MYO18B: variants seen among roughly 807,000 people sequenced by gnomAD.
MYO18B encodes the protein myosin XVIIIB.
Under a neutral mutation model 273.0 loss-of-function variants are expected in MYO18B, and 204 were observed. The observed-to-expected ratio is 0.75, with a 90% CI of 0.67 to 0.84. The LOEUF (loss-of-function observed/expected upper bound fraction) is 0.84. Among genes scored for constraint, MYO18B ranks in the 40% least tolerant of loss-of-function variants. The probability of loss-of-function intolerance (pLI) is 0.00; values close to 1 mark genes in which losing one functional copy is unlikely to be tolerated. For missense variants in MYO18B, 3,212 were observed against 3,287.6 expected (o/e 0.98, Z 0.56); for synonymous variants, 1,330 against 1,305.7 (o/e 1.02, Z -0.40).
intron 42 of MYO18B, among the ~76,000 whole-genome samples, chr22:26,011,704 A>T (rs898147645): frequency 6.6e-6 from 1 of 152,208 alleles, no homozygotes; most frequent in Non-Finnish European, 1.5e-5. Context: ...TCACATAATT[A>T]GTGATGCTGT....
At chr22:26,025,436 A>G (rs1405437802) in intron 42 of MYO18B, among the ~76,000 whole-genome samples, 2 of 152,244 alleles carry the variant, frequency 1.3e-5, no homozygotes, top group East Asian at 1.9e-4. Flanking sequence ...GAATCCTACA[A>G]TCGTCCTGAT....
chr22:25,932,028 C>T lies in MYO18B; in HGVS notation c.5517+10619C>T, dbSNP rs918246256. Among the ~76,000 whole-genome samples the T allele has an allele frequency of 2.0e-5, 3 of 152,056 alleles. No homozygotes were observed. In the East Asian group the frequency reaches 5.8e-4, roughly 29 times the overall value. ...CTGGGATTACAGGCTTGAGCCAACACGCCCAGCCTATGCCCATTTTATACA... is the reference window on the plus strand; with the variant it reads ...CTGGGATTACAGGCTTGAGCCAACATGCCCAGCCTATGCCCATTTTATACA... On this transcript the variant is annotated intron_variant, in intron 34 of 43. Transcript: ENST00000335473.
intron 17 of MYO18B, among the ~76,000 whole-genome samples, chr22:25,837,737 C>G (rs1050656926): frequency 2.0e-5 from 3 of 152,210 alleles, no homozygotes; most frequent in Non-Finnish European, 2.9e-5. Flanking sequence ...CTCTCTGGAG[C>G]AAGCTCACAG....
intron 34 of MYO18B, among the ~76,000 whole-genome samples, chr22:25,924,167 C>T (rs2092388214): frequency 6.6e-6 from 1 of 152,190 alleles, no homozygotes; most frequent in African/African-American, 2.4e-5. Context: ...AGAGTCAGAG[C>T]TAATCAAATA....
chr22:25,906,323 G>C (rs955005747), intron 31 of MYO18B, among the ~76,000 whole-genome samples: 2 of 152,068 alleles, frequency 1.3e-5, no homozygotes, highest in African/African-American at 2.4e-5. Context: ...CAGGCTCCTT[G>C]GTTTTGGATT....
chr22:26,005,777 A>T (rs2146924407), intron 42 of MYO18B, among the ~76,000 whole-genome samples: 1 of 152,300 alleles, frequency 6.6e-6, no homozygotes, highest in South Asian at 2.1e-4. Flanking sequence ...GTTTGCTTTG[A>T]TGCAGGGGTT....
At position 25,952,409 on chromosome 22, in the gene MYO18B, A is replaced by G. The variant is rs774607724; in HGVS notation, c.5956A>G (p.Ile1986Val). 1.5e-5 allele frequency: 25 copies of G among 1,613,222 alleles called. No homozygotes were observed. The highest frequency in any genetic ancestry group is 1.8e-5 in the Non-Finnish European group (21 of 1,179,702). Reference sequence around the variant, plus strand: ...CAAGACAGAGTTCCAGAAGGTGCAGATTAAGAGATTTGAGGTACGTAGTGA... The same window carrying G: ...CAAGACAGAGTTCCAGAAGGTGCAGGTTAAGAGATTTGAGGTACGTAGTGA... The part of the protein sequence containing the change: ...ENKTEFQKVQ[I>V]KRFEVLVIRL... Residue 1986 changes from isoleucine to valine, a missense_variant, in exon 38 of 44, where the codon ATT becomes GTT. Physicochemically the swap from Ile to Val is conservative, Grantham distance 29. Transcript: ENST00000335473.
rs547451772 is a variant in MYO18B at position 25,892,237 on chromosome 22, A to G, written c.4543+825A>G. 3 of 152,370 alleles carry G rather than the reference A, an allele frequency of 2.0e-5. No homozygotes were observed. The East Asian group carries it at 5.8e-4, about 29-fold the overall frequency. 9.4% of individuals were successfully genotyped at this position (152,370 alleles called of 1,614,324 possible). Reference sequence around the variant, plus strand: ...TAATAGCTACTTTACCATTATTATGAGGAATGATGAGATCACAGTTCATCC... The same window carrying G: ...TAATAGCTACTTTACCATTATTATGGGGAATGATGAGATCACAGTTCATCC... On this transcript the variant is annotated intron_variant, in intron 27 of 43. Transcript: ENST00000335473.
At chr22:25,861,421 A>C (rs2090733338) in intron 21 of MYO18B, among the ~76,000 whole-genome samples, 1 of 152,134 alleles carries the variant, frequency 6.6e-6, no homozygotes, top group Admixed American at 6.5e-5. Context: ...TTTTGTTTTC[A>C]ATTTTAAACA....
chr22:25,959,147 G>T (rs2092888299), intron 39 of MYO18B: 1 of 152,156 alleles, frequency 6.6e-6, no homozygotes, highest in South Asian at 2.1e-4. Flanking sequence ...AAACAAGGGG[G>T]CATGCACTGT....
chr22:25,826,492 A>C lies in MYO18B; in HGVS notation c.2779A>C (p.Ile927Leu), dbSNP rs764763585. 6.2e-7 allele frequency: 1 copy of C among 1,613,478 alleles called. No homozygotes were observed. The highest frequency in any genetic ancestry group is 8.5e-7 in the Non-Finnish European group (1 of 1,179,538). Reference protein sequence around the residue: ...QELFAAVVSLINRSFSSHHLS... With the variant: ...QELFAAVVSLLNRSFSSHHLS... ...ACTCTTTGCGGCTGTGGTCTCACTC[A>C]TCAACAGGTAACGGGGCCTTTTCCT... Residue 927 changes from isoleucine to leucine, a missense_variant, in exon 14 of 44, where the codon ATC becomes CTC. Transcript: ENST00000335473.
chr22:25,965,098 T>TCAG (rs1315388483), intron 39 of MYO18B: 9 of 152,380 alleles, frequency 5.9e-5, no homozygotes, highest in African/African-American at 2.2e-4. Context: ...TGAGCCTGGC[T>TCAG]TGTCAGCCGC....
At chr22:26,060,285 G>A in the MYO18B span, among the ~76,000 whole-genome samples, 1 of 152,222 alleles carries the variant, frequency 6.6e-6, no homozygotes, top group Non-Finnish European at 1.5e-5. Flanking sequence ...CAAATACCCT[G>A]AATGGCTCAC....
intron 34 of MYO18B, among the ~76,000 whole-genome samples, chr22:25,943,927 G>A (rs2092674973): frequency 6.6e-6 from 1 of 151,878 alleles, no homozygotes; most frequent in Admixed American, 6.6e-5. Context: ...TCACCATGTT[G>A]GTCAGGCTGG....
intron 39 of MYO18B, among the ~76,000 whole-genome samples, chr22:25,982,756 C>T (rs61174692): frequency 0.27 from 41,021 of 152,104 alleles, 5,831 homozygotes; most frequent in Non-Finnish European, 0.32. Flanking sequence ...GAATCCAGGA[C>T]AATCTCCCCC....
At position 25,990,686 on chromosome 22, in the gene MYO18B, CAAAAAAAAAAAAAAAAAAAAAAAAAA is replaced by C; in HGVS notation, c.6157-1668_6157-1643del. 1.5e-4 allele frequency among the ~76,000 whole-genome samples: 4 copies of C among 27,040 alleles called. No individual in the cohort carries two copies. The South Asian group carries it at 0.012, about 80-fold the overall frequency. The allele number at this position is 27,040 out of a possible 152,430, so 17.7% of individuals were successfully genotyped here. A position where few individuals can be genotyped will look rare whatever the true frequency, so the allele number is the denominator to read the frequency against. On this transcript the variant is annotated intron_variant, in intron 39 of 43. Transcript: ENST00000335473. ...TGTGCAACAGAGCAAGACTTTGTCTCAAAAAAAAAAAAAAAAAAAAAAAAAAAAAAAAAAGAAAAAGAAAAAAAAAA... is the reference window on the plus strand; with the variant it reads ...TGTGCAACAGAGCAAGACTTTGTCTCAAAAAAAAGAAAAAGAAAAAAAAAA...
At chr22:25,937,160 T>C (rs1289098871) in intron 34 of MYO18B, among the ~76,000 whole-genome samples, 1 of 151,994 alleles carries the variant, frequency 6.6e-6, no homozygotes, top group Non-Finnish European at 1.5e-5. Context: ...CTTGGCTCAC[T>C]GCAGCCTCTG....
At chr22:25,871,559 T>G (rs1261128594) in intron 22 of MYO18B, among the ~76,000 whole-genome samples, 1 of 152,160 alleles carries the variant, frequency 6.6e-6, no homozygotes, top group Non-Finnish European at 1.5e-5. Flanking sequence ...TTTGCGTGGT[T>G]TTGTCCCCCG....
At chr22:26,034,028 C>G (rs1936728917), downstream of MYO18B, among the ~76,000 whole-genome samples, 1 of 151,930 alleles carries the variant, frequency 6.6e-6, no homozygotes, top group Non-Finnish European at 1.5e-5. Context: ...TCTTGGCTCT[C>G]TGCAACCTCT....
Sources: gnomAD v4.1 joint callset for allele counts (sites outside exome capture counted in the v4.1 genomes callset) on GRCh38, gnomAD v4.1.1 for gene constraint, MANE v1.5 for transcripts, NCBI Gene and HGNC (gene_info 2026-07-23, HGNC 2026-07-21) for gene names.